The following SCHIP1 variants were observed in gnomAD, a reference collection of about 807,000 sequenced individuals.
The protein encoded by SCHIP1 is schwannomin interacting protein 1, also known as schwannomin-interacting protein 1.
A neutral mutation model predicts 29.7 loss-of-function variants in SCHIP1; 8 were observed. That is an observed-to-expected ratio of 0.27 (90% confidence interval 0.16 to 0.49). The LOEUF is 0.49. Ranked by LOEUF, SCHIP1 falls within the 20% of genes least tolerant of loss-of-function variation. SCHIP1 has a pLI of 0.99. For synonymous variants in SCHIP1, 76 were observed against 94.9 expected, an observed-to-expected ratio of 0.80 and a Z score of 1.16; for missense variants, 193 against 294.6, an observed-to-expected ratio of 0.66 and a Z score of 2.52.
the SCHIP1 span, among the ~76,000 whole-genome samples, chr3:159,389,149 T>C: frequency 6.6e-6 from 1 of 152,012 alleles, no homozygotes; most frequent in Admixed American, 6.6e-5. Context: ...ATCTCCAATA[T>C]AGAAAAGGCT....
chr3:159,770,524 G>A, the SCHIP1 span, among the ~76,000 whole-genome samples: 1 of 152,176 alleles, frequency 6.6e-6, no homozygotes, highest in South Asian at 2.1e-4. Context: ...CTCCCAAAGT[G>A]CTGGGATTAC....
the SCHIP1 span, among the ~76,000 whole-genome samples, chr3:159,798,283 AT>A: frequency 1.3e-5 from 2 of 152,186 alleles, no homozygotes; most frequent in African/African-American, 4.8e-5. Context: ...CCTTGAGCAA[AT>A]TACTTGACAT....
chr3:159,648,963 T>C, the SCHIP1 span, among the ~76,000 whole-genome samples: 1 of 152,170 alleles, frequency 6.6e-6, no homozygotes, highest in South Asian at 2.1e-4. Flanking sequence ...CTGAAACTAA[T>C]CCTACTTAAC....
the SCHIP1 span, among the ~76,000 whole-genome samples, chr3:159,613,223 A>G: frequency 6.6e-6 from 1 of 152,244 alleles, no homozygotes; most frequent in South Asian, 2.1e-4. Context: ...AGAATATGAG[A>G]GACACCCTTG....
chr3:159,823,349 C>T, the SCHIP1 span, among the ~76,000 whole-genome samples: 1 of 152,194 alleles, frequency 6.6e-6, no homozygotes, highest in Non-Finnish European at 1.5e-5. Flanking sequence ...TCGAAAATTA[C>T]AGAATACCCC....
At chr3:159,824,755 C>G in the SCHIP1 span, among the ~76,000 whole-genome samples, 3 of 152,224 alleles carry the variant, frequency 2.0e-5, no homozygotes, top group Non-Finnish European at 2.9e-5. Context: ...GAGACTCACA[C>G]CACATCCACA....
chr3:159,872,952 G>C (rs1489734865), intron 2 of SCHIP1, among the ~76,000 whole-genome samples: 1 of 152,144 alleles, frequency 6.6e-6, no homozygotes, highest in Non-Finnish European at 1.5e-5. Context: ...TCAGAACATT[G>C]AGTTCACCAG....
chr3:159,702,595 G>A, the SCHIP1 span, among the ~76,000 whole-genome samples: 1 of 152,184 alleles, frequency 6.6e-6, no homozygotes, highest in East Asian at 1.9e-4. Context: ...AAGTCTAAGC[G>A]AAGAGCAAGA....
At chr3:159,688,132 G>A in the SCHIP1 span, among the ~76,000 whole-genome samples, 1 of 152,118 alleles carries the variant, frequency 6.6e-6, no homozygotes, top group Non-Finnish European at 1.5e-5. Flanking sequence ...GGGATTGCTG[G>A]GTCAAATGGT....
the SCHIP1 span, among the ~76,000 whole-genome samples, chr3:159,584,902 A>T: frequency 6.6e-6 from 1 of 151,824 alleles, no homozygotes; most frequent in Non-Finnish European, 1.5e-5. Flanking sequence ...TCCTTGTAAC[A>T]CCCCAGGCAT....
At chr3:159,615,280 A>G in the SCHIP1 span, among the ~76,000 whole-genome samples, 1 of 152,218 alleles carries the variant, frequency 6.6e-6, no homozygotes, top group Admixed American at 6.5e-5. Flanking sequence ...CCTGGAGGCC[A>G]CACTTAAACA....
intron 1 of SCHIP1, among the ~76,000 whole-genome samples, chr3:159,854,172 A>G (rs568724991): frequency 1.3e-5 from 2 of 152,348 alleles, no homozygotes; most frequent in African/African-American, 4.8e-5. Context: ...AATCCCTTCC[A>G]TCATGGGCCT....
chr3:159,891,406 G>A (rs1468558471), intron 5 of SCHIP1, among the ~76,000 whole-genome samples: 1 of 151,246 alleles, frequency 6.6e-6, no homozygotes, highest in Admixed American at 6.6e-5. Flanking sequence ...GGGAGGGAGG[G>A]AGGAAGGGAG....
the SCHIP1 span, among the ~76,000 whole-genome samples, chr3:159,568,345 A>AT: frequency 1.3e-5 from 2 of 152,028 alleles, no homozygotes; most frequent in African/African-American, 4.8e-5. Flanking sequence ...AGCAGAGGGC[A>AT]TTTTTTGCTC....
chr3:159,883,035 GCT>G (rs1240987936), intron 2 of SCHIP1, among the ~76,000 whole-genome samples: 1 of 152,202 alleles, frequency 6.6e-6, no homozygotes, highest in East Asian at 1.9e-4. Flanking sequence ...CCTGCCAGTA[GCT>G]CCGGGCAGCA....
At chr3:159,785,821 C>G in the SCHIP1 span, among the ~76,000 whole-genome samples, 11 of 152,110 alleles carry the variant, frequency 7.2e-5, no homozygotes, top group Non-Finnish European at 1.3e-4. Flanking sequence ...TTTGTAGAAA[C>G]AAAAGAGCTA....
the SCHIP1 span, among the ~76,000 whole-genome samples, chr3:159,799,341 T>G: frequency 6.6e-6 from 1 of 152,230 alleles, no homozygotes; most frequent in Non-Finnish European, 1.5e-5. Flanking sequence ...ATCTTAACCC[T>G]GGGCAAATTA....
the SCHIP1 span, among the ~76,000 whole-genome samples, chr3:159,472,864 G>C: frequency 6.6e-6 from 1 of 152,184 alleles, no homozygotes; most frequent in Non-Finnish European, 1.5e-5. Flanking sequence ...TTAAGATTCA[G>C]TGGAAGAATC....
the SCHIP1 span, among the ~76,000 whole-genome samples, chr3:159,379,301 A>G: frequency 1.1e-4 from 17 of 151,790 alleles, no homozygotes; most frequent in South Asian, 4.2e-4. Context: ...GGCTCACTAC[A>G]ACCTCCACCT....
Sources: allele counts gnomAD v4.1 joint callset (sites outside exome capture counted in the v4.1 genomes callset), GRCh38; gene constraint gnomAD v4.1.1; transcripts MANE v1.5; gene names NCBI Gene and HGNC (gene_info 2026-07-23, HGNC 2026-07-21).